The following CSMD1 variants were observed in gnomAD, a reference collection of about 807,000 sequenced individuals.
CSMD1 encodes CUB and sushi domain-containing protein 1.
A neutral mutation model predicts 417.5 loss-of-function variants in CSMD1; 213 were observed. The observed-to-expected ratio is 0.51, with a 90% CI of 0.46 to 0.57. The LOEUF (loss-of-function observed/expected upper bound fraction) is 0.57. Among genes scored for constraint, CSMD1 ranks in the 20% least tolerant of loss-of-function variants. CSMD1 has a pLI of 0.00. For synonymous variants in CSMD1, 2,862 were observed against 1,736.8 expected (o/e 1.65, Z -16.11); for missense variants, 6,923 against 4,529.7 (o/e 1.53, Z -15.17).
At chr8:4,593,888 A>T (rs1052183282) in intron 2 of CSMD1, among the ~76,000 whole-genome samples, 3 of 152,204 alleles carry the variant, frequency 2.0e-5, no homozygotes, top group Admixed American at 1.3e-4. Flanking sequence ...TTAAAGCAAC[A>T]GGAATTTATT....
intron 3 of CSMD1, among the ~76,000 whole-genome samples, chr8:4,311,632 A>T (rs935152073): frequency 1.7e-4 from 26 of 150,052 alleles, no homozygotes; most frequent in Admixed American, 1.5e-3. Context: ...CTTAGACAGG[A>T]GAATTGCTTG....
intron 8 of CSMD1, among the ~76,000 whole-genome samples, chr8:3,608,481 T>C (rs2117120168): frequency 6.6e-6 from 1 of 152,152 alleles, no homozygotes; most frequent in African/African-American, 2.4e-5. Flanking sequence ...TAAAAAAATA[T>C]GGCTGGGCGC....
intron 21 of CSMD1, among the ~76,000 whole-genome samples, chr8:3,349,950 GTA>G (rs1029822904): frequency 7.7e-5 from 11 of 142,878 alleles, no homozygotes; most frequent in Admixed American, 7.2e-4. Context: ...TATTATATGT[GTA>G]TGTGTGTTAT....
At chr8:3,246,025 C>G (rs542359521) in intron 26 of CSMD1, among the ~76,000 whole-genome samples, 11 of 152,188 alleles carry the variant, frequency 7.2e-5, no homozygotes, top group Non-Finnish European at 1.6e-4. Flanking sequence ...TTTATTTCCC[C>G]CAACGCACTT....
chr8:4,848,689 A>G (rs569872001), intron 1 of CSMD1, among the ~76,000 whole-genome samples: 1 of 152,004 alleles, frequency 6.6e-6, no homozygotes, highest in East Asian at 1.9e-4. Flanking sequence ...ACAGGCACCC[A>G]CCACCACACC....
chr8:3,611,326 G>A (rs1288792628), intron 8 of CSMD1, among the ~76,000 whole-genome samples: 3 of 152,100 alleles, frequency 2.0e-5, no homozygotes, highest in African/African-American at 4.8e-5. Flanking sequence ...AATACGTAAT[G>A]TGTCTCTAGG....
chr8:4,197,878 A>G (rs985043501), intron 3 of CSMD1, among the ~76,000 whole-genome samples: 1 of 152,146 alleles, frequency 6.6e-6, no homozygotes, highest in African/African-American at 2.4e-5. Context: ...GACTCCATCT[A>G]AAAGTTAAGA....
chr8:4,226,089 C>T (rs974303830), intron 3 of CSMD1, among the ~76,000 whole-genome samples: 4 of 151,414 alleles, frequency 2.6e-5, no homozygotes, highest in Non-Finnish European at 5.9e-5. Context: ...CACACACACA[C>T]ACACACACAC....
chr8:3,763,596 T>C (rs924450272), intron 5 of CSMD1, among the ~76,000 whole-genome samples: 1 of 152,190 alleles, frequency 6.6e-6, no homozygotes, highest in Non-Finnish European at 1.5e-5. Context: ...TGTGGAATTC[T>C]GAGCCAAATA....
At chr8:3,925,789 T>A (rs1809616801) in intron 5 of CSMD1, among the ~76,000 whole-genome samples, 1 of 152,100 alleles carries the variant, frequency 6.6e-6, no homozygotes. Flanking sequence ...TTATTCCCAG[T>A]TTTGGGTATG....
intron 13 of CSMD1, 86 bp from the exon 14 acceptor site, chr8:3,408,311 G>C (rs1812475750): frequency 1.0e-6 from 1 of 986,032 alleles, no homozygotes; most frequent in Admixed American, 2.6e-5. Flanking sequence ...AACCTGGAAA[G>C]GCAATTCATG....
chr8:4,219,447 C>T (rs994332859), intron 3 of CSMD1, among the ~76,000 whole-genome samples: 8 of 152,132 alleles, frequency 5.3e-5, no homozygotes, highest in Non-Finnish European at 1.2e-4. Context: ...ATAATTCATA[C>T]CCGAACCTCT....
chr8:4,716,291 A>G (rs922681392), intron 1 of CSMD1, among the ~76,000 whole-genome samples: 4 of 152,220 alleles, frequency 2.6e-5, no homozygotes, highest in African/African-American at 9.6e-5. Context: ...CTCAACACCC[A>G]GAAAGGGCAC....
At chr8:4,009,130 C>G (rs891095012) in intron 4 of CSMD1, among the ~76,000 whole-genome samples, 2 of 152,094 alleles carry the variant, frequency 1.3e-5, no homozygotes, top group Non-Finnish European at 2.9e-5. Flanking sequence ...CTGACTTAAT[C>G]CAAGAAGAAC....
intron 3 of CSMD1, among the ~76,000 whole-genome samples, chr8:4,085,495 C>G (rs770910103): frequency 1.7e-4 from 26 of 152,136 alleles, no homozygotes; most frequent in Admixed American, 1.1e-3. Flanking sequence ...TTGGATACTC[C>G]AATTCTTTCC....
At chr8:4,182,104 A>C (rs75050679) in intron 3 of CSMD1, among the ~76,000 whole-genome samples, 1 of 151,986 alleles carries the variant, frequency 6.6e-6, no homozygotes, top group African/African-American at 2.4e-5. Flanking sequence ...TAGCATTTCA[A>C]TGCTAAAACT....
chr8:3,086,408 T>C (rs1449503997), intron 49 of CSMD1, among the ~76,000 whole-genome samples: 1 of 152,080 alleles, frequency 6.6e-6, no homozygotes, highest in Admixed American at 6.6e-5. Context: ...CACAAAGCAA[T>C]ACCAGAAAAT....
chr8:4,055,810 A>T (rs563789925), intron 3 of CSMD1, among the ~76,000 whole-genome samples: 1 of 151,820 alleles, frequency 6.6e-6, no homozygotes, highest in South Asian at 2.1e-4. Context: ...ACTAACACTG[A>T]AGCAGAAGTG....
At position 3,354,247 on chromosome 8, in the gene CSMD1, G is replaced by A. The variant is rs188640549; in HGVS notation, c.3304+4905C>T. Among the ~76,000 whole-genome samples, 266 of 152,096 alleles carry A rather than the reference G, an allele frequency of 1.7e-3. 1 individual carries two copies. The highest frequency in any genetic ancestry group is 8.1e-3 in the South Asian group (39 of 4,800). ...GCAACTTGTCCACCTAAATAACCTCGAGCCTATACAATGCCTCACATTTAA... is the reference window on the plus strand; with the variant it reads ...GCAACTTGTCCACCTAAATAACCTCAAGCCTATACAATGCCTCACATTTAA... On this transcript the variant is annotated intron_variant, in intron 21 of 69. Coordinates refer to ENST00000635120, the MANE Select transcript of CSMD1 (RefSeq NM_033225.6).
Sources: gnomAD v4.1 joint callset for allele counts (sites outside exome capture counted in the v4.1 genomes callset) on GRCh38, gnomAD v4.1.1 for gene constraint, MANE v1.5 for transcripts, NCBI Gene and HGNC (gene_info 2026-07-23, HGNC 2026-07-21) for gene names.